The following RNF216 variants were observed in gnomAD, a reference collection of about 807,000 sequenced individuals.
RNF216 encodes E3 ubiquitin-protein ligase RNF216.
Under a neutral mutation model 110.8 loss-of-function variants are expected in RNF216, and 72 were observed. That is an observed-to-expected ratio of 0.65 (90% CI 0.54 to 0.79). The LOEUF (loss-of-function observed/expected upper bound fraction) is 0.79, where lower values mean the gene tolerates loss of function less well. RNF216 is among the 30% of genes least tolerant of loss of function. The probability of loss-of-function intolerance (pLI) is 0.00; values close to 1 mark genes in which losing one functional copy is unlikely to be tolerated. For missense variants in RNF216, 1,342 were observed against 1,141.2 expected (o/e 1.18, Z -2.54); for synonymous variants, 495 against 407.5 (o/e 1.21, Z -2.59).
chr7:5,711,737 C>A (rs1291038349), intron 13 of RNF216, 24 bp downstream of exon 13: 1 of 1,597,116 alleles, frequency 6.3e-7, no homozygotes, highest in Non-Finnish European at 8.6e-7. Flanking sequence ...CAATATACAT[C>A]TAGAAAAAAA....
chr7:5,667,584 T>C (rs974574394), intron 13 of RNF216, among the ~76,000 whole-genome samples: 4 of 152,206 alleles, frequency 2.6e-5, no homozygotes, highest in Admixed American at 6.5e-5. Context: ...AACTGTCAAA[T>C]AGAAACACTG....
chr7:5,748,432 G>C (rs1361757683), intron 3 of RNF216, among the ~76,000 whole-genome samples: 1 of 152,130 alleles, frequency 6.6e-6, no homozygotes, highest in African/African-American at 2.4e-5. Context: ...GCTAATTTTT[G>C]TATTTTTAGT....
intron 13 of RNF216, among the ~76,000 whole-genome samples, chr7:5,708,026 C>T (rs192067779): frequency 6.6e-6 from 1 of 152,264 alleles, no homozygotes; most frequent in African/African-American, 2.4e-5. Context: ...CATGCCCGGA[C>T]AGTGTGTTTA....
intron 3 of RNF216, among the ~76,000 whole-genome samples, chr7:5,747,232 T>A (rs1290382389): frequency 6.6e-6 from 1 of 152,228 alleles, no homozygotes; most frequent in Non-Finnish European, 1.5e-5. Flanking sequence ...AGTTTAAAAA[T>A]GTCCTAAACC....
chr7:5,767,593 T>C (rs1484458317), intron 1 of RNF216, among the ~76,000 whole-genome samples: 4 of 139,238 alleles, frequency 2.9e-5, no homozygotes, highest in Admixed American at 2.4e-4. Flanking sequence ...ACATGTATTG[T>C]TGAGAGGGAT....
rs776520878 is a variant in RNF216 at position 5,741,772 on chromosome 7, GC to G, written c.244del (p.Ala82LeufsTer7). ...CCTTTTCAGATCTTGCCACTGGGCA[GC>G]TGGTTTGATGAGATTGGGTCGTGAT... ...QRSRPNLIKP[A>X]AQWQDLKRLG... On this transcript the variant is annotated frameshift_variant, in exon 4 of 17. Coordinates refer to ENST00000389902, the MANE Select transcript of RNF216 (RefSeq NM_207111.4). LOFTEE classifies it high-confidence loss of function. 3 of 1,614,126 alleles carry G rather than the reference GC, an allele frequency of 1.9e-6. 1 individual carries two copies. The South Asian group carries it at 3.3e-5, about 18-fold the overall frequency.
chr7:5,755,939 G>C (rs1029513392), intron 2 of RNF216, among the ~76,000 whole-genome samples: 1 of 151,086 alleles, frequency 6.6e-6, no homozygotes. Context: ...GTCCTTATGG[G>C]AACACAATCA....
At chr7:5,699,430 A>G (rs1415183329) in intron 13 of RNF216, among the ~76,000 whole-genome samples, 1 of 152,216 alleles carries the variant, frequency 6.6e-6, no homozygotes, top group Non-Finnish European at 1.5e-5. Context: ...GAAGAGTTTT[A>G]TTAGCAAATA....
intron 3 of RNF216, among the ~76,000 whole-genome samples, chr7:5,747,360 G>C (rs933422591): frequency 6.6e-6 from 1 of 152,166 alleles, no homozygotes; most frequent in Admixed American, 6.5e-5. Flanking sequence ...AGGAGAGGGA[G>C]TAAAAACGGA....
rs754296413 is a variant in RNF216 at position 5,737,467 on chromosome 7, C to A, written c.1121+1809G>T. 8.4e-4 allele frequency among the ~76,000 whole-genome samples: 128 copies of A among 151,986 alleles called. 1 individual carries two copies. Among genetic ancestry groups the A allele is most frequent in the Non-Finnish European group, 1.6e-3 (108 of 68,006 alleles). On this transcript the variant is annotated intron_variant, in intron 5 of 16. Transcript: ENST00000389902. ...CTGCTGACCTTCCCTCCACTATTGT[C>A]CTGTGACCCTGCCTAATCCCCCTCT... is the stretch of plus-strand genomic sequence containing the variant.
intron 13 of RNF216, among the ~76,000 whole-genome samples, chr7:5,674,040 T>C (rs1461511657): frequency 6.6e-6 from 1 of 151,716 alleles, no homozygotes; most frequent in Non-Finnish European, 1.5e-5. Flanking sequence ...TCAATTTTTT[T>C]TTTTTTTACG....
intron 15 of RNF216, among the ~76,000 whole-genome samples, chr7:5,635,947 AAAAGAC>A (rs1787371990): frequency 6.6e-6 from 1 of 152,236 alleles, no homozygotes. Flanking sequence ...TCTTACATTC[AAAAGAC>A]AAAGACACTG....
At chr7:5,726,434 C>A (rs1388903039) in intron 7 of RNF216, among the ~76,000 whole-genome samples, 3 of 152,210 alleles carry the variant, frequency 2.0e-5, no homozygotes, top group African/African-American at 7.2e-5. Context: ...ACACTCTTCT[C>A]TGTGTGCACC....
At chr7:5,761,871 T>C (rs921332426) in intron 1 of RNF216, among the ~76,000 whole-genome samples, 7 of 152,256 alleles carry the variant, frequency 4.6e-5, no homozygotes, top group South Asian at 2.1e-4. Flanking sequence ...ATCTTATACA[T>C]TGCTGGTTTG....
intron 13 of RNF216, among the ~76,000 whole-genome samples, chr7:5,665,950 G>A (rs1269791110): frequency 6.6e-6 from 1 of 152,106 alleles, no homozygotes. Flanking sequence ...CGGATCCCGA[G>A]GTCAGGAGAT....
chr7:5,771,243 T>C (rs917891193), intron 1 of RNF216, among the ~76,000 whole-genome samples: 1 of 152,188 alleles, frequency 6.6e-6, no homozygotes, highest in African/African-American at 2.4e-5. Context: ...CCCTTCCTCA[T>C]GCCTTACACA....
At chr7:5,641,703 A>T (rs527326122) in intron 14 of RNF216, among the ~76,000 whole-genome samples, 5 of 152,308 alleles carry the variant, frequency 3.3e-5, no homozygotes, top group Non-Finnish European at 7.4e-5. Flanking sequence ...TTAGAAAAGG[A>T]CTGCTCTATT....
chr7:5,710,927 G>A (rs1157704225), intron 13 of RNF216, among the ~76,000 whole-genome samples: 1 of 152,192 alleles, frequency 6.6e-6, no homozygotes, highest in Non-Finnish European at 1.5e-5. Flanking sequence ...AGCCTGGGGT[G>A]CGAACATATA....
chr7:5,706,873 G>A (rs1584484862), intron 13 of RNF216, among the ~76,000 whole-genome samples: 1 of 152,022 alleles, frequency 6.6e-6, no homozygotes, highest in Non-Finnish European at 1.5e-5. Flanking sequence ...TTCCACCTAC[G>A]TTTTCTTCTA....
Sources: allele counts gnomAD v4.1 joint callset (sites outside exome capture counted in the v4.1 genomes callset), GRCh38; gene constraint gnomAD v4.1.1; transcripts MANE v1.5; gene names NCBI Gene and HGNC (gene_info 2026-07-23, HGNC 2026-07-21).